Variants in XRCC5 observed in about 807,000 individuals in gnomAD.
The protein encoded by XRCC5 is DNA repair protein Ku80.
In XRCC5, 12 loss-of-function variants were observed where a neutral mutation model predicts 95.7. The ratio of observed to expected loss-of-function variants is 0.13; its 90% CI spans 0.08 to 0.20. The LOEUF (loss-of-function observed/expected upper bound fraction) is 0.20, where lower values mean the gene tolerates loss of function less well. Among genes scored for constraint, XRCC5 ranks in the 10% least tolerant of loss-of-function variants. The pLI is 1.00. For missense variants in XRCC5, 595 were observed against 873.9 expected, an observed-to-expected ratio of 0.68 and a Z score of 4.02; for synonymous variants, 281 against 290.3, an observed-to-expected ratio of 0.97 and a Z score of 0.33.
In XRCC5 at chr2:216,179,389, G is replaced by A. The variant is rs188627097; in HGVS notation, c.1835-10836G>A. Among the ~76,000 whole-genome samples, 21 of 152,322 alleles carry A rather than the reference G, an allele frequency of 1.4e-4. No individual in the cohort carries two copies. The East Asian group carries it at 4.0e-3, about 29-fold the overall frequency. Reference sequence around the variant, plus strand: ...CTGCAAGGACTCTCTTTCCAAGTAAGGTCACGTTGTGAGGTTTTGGTAAGG... The same window carrying A: ...CTGCAAGGACTCTCTTTCCAAGTAAAGTCACGTTGTGAGGTTTTGGTAAGG... On this transcript the variant is annotated intron_variant, in intron 16 of 20. Coordinates refer to ENST00000392132, the MANE Select transcript of XRCC5 (RefSeq NM_021141.4).
intron 16 of XRCC5, among the ~76,000 whole-genome samples, chr2:216,180,884 C>G (rs1275180370): frequency 6.6e-6 from 1 of 150,972 alleles, no homozygotes; most frequent in Non-Finnish European, 1.5e-5. Flanking sequence ...GCGATCTCGG[C>G]TCACTGCAAC....
At chr2:216,165,829 G>A (rs1559253467) in intron 16 of XRCC5, among the ~76,000 whole-genome samples, 1 of 152,192 alleles carries the variant, frequency 6.6e-6, no homozygotes, top group South Asian at 2.1e-4. Context: ...AAATATGGGT[G>A]TAGTTACTTT....
chr2:216,204,986 A>G (rs1201022048), intron 20 of XRCC5, among the ~76,000 whole-genome samples: 1 of 152,212 alleles, frequency 6.6e-6, no homozygotes, highest in African/African-American at 2.4e-5. Context: ...CTATGATGTC[A>G]ATCTTTTTTA....
In XRCC5 at chr2:216,170,577, C is replaced by G. The variant is rs367814372; in HGVS notation, c.1834+8529C>G. Among the ~76,000 whole-genome samples, 3 of 152,084 alleles carry G rather than the reference C, an allele frequency of 2.0e-5. No individual in the cohort carries two copies. In the East Asian group the frequency reaches 5.8e-4, roughly 29 times the overall value. On this transcript the variant is annotated intron_variant, in intron 16 of 20. Coordinates refer to ENST00000392132, the MANE Select transcript of XRCC5 (RefSeq NM_021141.4). ...GAACAGCAAAGGGGAAGTCCTCTGC[C>G]GTGATTCATTCACCTCCTACCAGGC...
rs532625091 is a variant in XRCC5 at position 216,166,692 on chromosome 2, CTAAAA to C, written c.1834+4658_1834+4662del. On this transcript the variant is annotated intron_variant, in intron 16 of 20. Transcript: ENST00000392132. ...GCGCTTTCCCAACTTAGGAAGAATGCTAAAATAAAATAAAATAATAAAATGTCAAA... is the reference window on the plus strand; with the variant it reads ...GCGCTTTCCCAACTTAGGAAGAATGCTAAAATAAAATAATAAAATGTCAAA... Among the ~76,000 whole-genome samples the C allele has an allele frequency of 3.1e-3, 475 of 152,030 alleles. 1 individual carries two copies. The highest frequency in any genetic ancestry group is 0.011 in the African/African-American group (455 of 41,474).
At chr2:216,173,457 C>A (rs1260446222) in intron 16 of XRCC5, among the ~76,000 whole-genome samples, 1 of 152,172 alleles carries the variant, frequency 6.6e-6, no homozygotes, top group Non-Finnish European at 1.5e-5. Context: ...GATGCATTTT[C>A]TGCCTCTATT....
At chr2:216,169,808 G>A (rs1378414185) in intron 16 of XRCC5, among the ~76,000 whole-genome samples, 2 of 151,546 alleles carry the variant, frequency 1.3e-5, no homozygotes, top group Non-Finnish European at 2.9e-5. Flanking sequence ...CACTTTGGGA[G>A]GCTGAGGTGG....
intron 18 of XRCC5, 83 bp from the exon 19 acceptor site, chr2:216,194,836 G>A (rs975817793): frequency 5.6e-6 from 7 of 1,247,524 alleles, no homozygotes; most frequent in South Asian, 4.8e-5. Context: ...CAGCTCAAAG[G>A]TGGGAGGAGG....
chr2:216,123,069 G>C (rs1374216196), intron 6 of XRCC5, among the ~76,000 whole-genome samples: 1 of 152,142 alleles, frequency 6.6e-6, no homozygotes, highest in African/African-American at 2.4e-5. Flanking sequence ...TAGCAGTATG[G>C]CTTGGGTGGT....
At chr2:216,200,366 T>G (rs1485247694) in intron 19 of XRCC5, among the ~76,000 whole-genome samples, 3 of 152,212 alleles carry the variant, frequency 2.0e-5, no homozygotes, top group Non-Finnish European at 2.9e-5. Flanking sequence ...CTGGCCCCTG[T>G]TGGAACCTGT....
chr2:216,157,476 G>A (rs552592121), intron 14 of XRCC5, among the ~76,000 whole-genome samples: 45 of 152,034 alleles, frequency 3.0e-4, no homozygotes, highest in African/African-American at 1.0e-3. Flanking sequence ...CTCGTGATCC[G>A]CCTGCCTCAG....
chr2:216,185,487 A>G (rs1689478389), intron 16 of XRCC5, among the ~76,000 whole-genome samples: 1 of 152,204 alleles, frequency 6.6e-6, no homozygotes, highest in South Asian at 2.1e-4. Flanking sequence ...GATTTAATTT[A>G]TGGTAGACTG....
intron 7 of XRCC5, among the ~76,000 whole-genome samples, chr2:216,126,523 A>G (rs769227135): frequency 1.7e-4 from 26 of 152,242 alleles, no homozygotes; most frequent in Non-Finnish European, 3.4e-4. Flanking sequence ...ATTTATATAC[A>G]ATAGCACACT....
intron 16 of XRCC5, among the ~76,000 whole-genome samples, chr2:216,171,349 C>G (rs1356880593): frequency 1.3e-5 from 2 of 152,132 alleles, no homozygotes; most frequent in East Asian, 3.8e-4. Context: ...GTGCTTGCTT[C>G]TTTGGCCAGA....
chr2:216,204,518 A>C, intron 20 of XRCC5, 122 bp downstream of exon 20: 1 of 1,003,598 alleles, frequency 1.0e-6, no homozygotes, highest in Non-Finnish European at 1.5e-6. Context: ...CCAATACACC[A>C]GAAGCTTCCT....
chr2:216,159,006 T>G lies in XRCC5; in HGVS notation c.1671-1062T>G, dbSNP rs978700895. ...TAGTCCTGAAAATTGCTGAGAAATT[T>G]TAACTGTTCTCATAATAAAATAAGT... On this transcript the variant is annotated intron_variant, in intron 14 of 20. Transcript: ENST00000392132. Among the ~76,000 whole-genome samples, 6 of 152,364 alleles carry G rather than the reference T, an allele frequency of 3.9e-5. No homozygotes were observed. The East Asian group carries it at 1.2e-3, about 29-fold the overall frequency.
intron 8 of XRCC5, among the ~76,000 whole-genome samples, chr2:216,129,012 A>G (rs1422814168): frequency 6.6e-6 from 1 of 152,216 alleles, no homozygotes; most frequent in Non-Finnish European, 1.5e-5. Context: ...GAGTTTATGC[A>G]TAACCTTGAA....
intron 14 of XRCC5, 38 bp downstream of exon 14, chr2:216,148,314 C>A: frequency 2.6e-6 from 4 of 1,567,132 alleles, no homozygotes; most frequent in Non-Finnish European, 3.5e-6. Context: ...CATTGGGGTA[C>A]ATAAGAGTTG....
At chr2:216,187,862 C>CTCT (rs1198969771) in intron 16 of XRCC5, among the ~76,000 whole-genome samples, 4 of 111,446 alleles carry the variant, frequency 3.6e-5, no homozygotes, top group Non-Finnish European at 7.3e-5. Context: ...CTCTCTCTCT[C>CTCT]CCCGTCTCCC....
Sources: gnomAD v4.1 joint callset for allele counts (sites outside exome capture counted in the v4.1 genomes callset) on GRCh38, gnomAD v4.1.1 for gene constraint, MANE v1.5 for transcripts, NCBI Gene and HGNC (gene_info 2026-07-23, HGNC 2026-07-21) for gene names.